CNTLN: variants seen among roughly 807,000 people sequenced by gnomAD.
CNTLN encodes the protein centlein, centrosomal protein.
CNTLN carries 212 observed loss-of-function variants against 180.0 expected under a neutral mutation model. The observed-to-expected ratio is 1.18, with a 90% CI of 1.05 to 1.32. The LOEUF is 1.32. Ranked by LOEUF, CNTLN falls within the 40% of genes most tolerant of loss-of-function variation. CNTLN has a pLI of 0.00. For missense variants in CNTLN, 2,095 were observed against 1,610.9 expected (o/e 1.30, Z -5.14); for synonymous variants, 722 against 563.1 (o/e 1.28, Z -3.99).
chr9:17,341,652 A>G (rs1821488419), intron 11 of CNTLN, among the ~76,000 whole-genome samples: 1 of 152,220 alleles, frequency 6.6e-6, no homozygotes, highest in Non-Finnish European at 1.5e-5. Flanking sequence ...CTGTAGAGAA[A>G]TACTGTTTCT....
chr9:17,512,033 G>A, the CNTLN span, among the ~76,000 whole-genome samples: 2 of 152,178 alleles, frequency 1.3e-5, no homozygotes, highest in Non-Finnish European at 2.9e-5. Flanking sequence ...AATTATGGAG[G>A]TATTTAATAC....
chr9:17,185,256 T>A (rs1821356842), intron 2 of CNTLN, among the ~76,000 whole-genome samples: 1 of 152,204 alleles, frequency 6.6e-6, no homozygotes, highest in Admixed American at 6.5e-5. Context: ...TTGCAATAGA[T>A]AATATGTCTA....
chr9:17,263,405 G>A (rs931693938), intron 5 of CNTLN, among the ~76,000 whole-genome samples: 8 of 150,948 alleles, frequency 5.3e-5, no homozygotes, highest in African/African-American at 2.0e-4. Context: ...GTATTCCATG[G>A]TGTATATGTG....
At chr9:17,369,893 A>G (rs1301190644) in intron 13 of CNTLN, among the ~76,000 whole-genome samples, 1 of 151,216 alleles carries the variant, frequency 6.6e-6, no homozygotes, top group Admixed American at 6.6e-5. Context: ...AGGCTGAGTC[A>G]GGGGAATCGC....
chr9:17,274,494 T>TATCTATCC lies in CNTLN; in HGVS notation c.983+635_983+636insCATCTATC, dbSNP rs1587450268. On this transcript the variant is annotated intron_variant, in intron 6 of 25. Coordinates refer to ENST00000380647, the MANE Select transcript of CNTLN (RefSeq NM_017738.4). ...CTATCTATCTATCTATCTATCTATC[T>TATCTATCC]ATCTATCTATGTATCTTTCTATCTA... Among the ~76,000 whole-genome samples the TATCTATCC allele has an allele frequency of 4.1e-5, 6 of 146,748 alleles. No homozygotes were observed. The East Asian group carries it at 1.2e-3, about 30-fold the overall frequency.
At chr9:17,380,991 C>CTT (rs1194641603) in intron 13 of CNTLN, among the ~76,000 whole-genome samples, 1 of 152,154 alleles carries the variant, frequency 6.6e-6, no homozygotes, top group Non-Finnish European at 1.5e-5. Flanking sequence ...ACACTGTCAC[C>CTT]TCCACCCGTG....
Position 17,457,548 on chromosome 9 carries a change from C to A in CNTLN, c.3139C>A (p.Leu1047Ile). The A allele has an allele frequency of 6.7e-7, 1 of 1,502,558 alleles. No homozygotes were observed. The highest frequency in any genetic ancestry group is 8.9e-7 in the Non-Finnish European group (1 of 1,122,954). The allele number at this position is 1,502,558 out of a possible 1,614,324, so 93.1% of individuals were successfully genotyped here. A position where few individuals can be genotyped will look rare whatever the true frequency, so the allele number is the denominator to read the frequency against. ...IKKLNLDLAGLRKEKEDLLKK... is the reference protein window; with the variant it reads ...IKKLNLDLAGIRKEKEDLLKK... ...GAAGCTAAATTTGGATTTGGCTGGGCTTCGGAAAGAAAAAGAAGATTTACT... is the reference window on the plus strand; with the variant it reads ...GAAGCTAAATTTGGATTTGGCTGGGATTCGGAAAGAAAAAGAAGATTTACT... The change falls in exon 19 of 26, where the codon CTT (leucine) becomes ATT (isoleucine). Residue 1047 changes from leucine to isoleucine, a missense_variant. Physicochemically the swap from Leu to Ile is conservative, Grantham distance 5 (BLOSUM62 2). Coordinates refer to ENST00000380647, the MANE Select transcript of CNTLN (RefSeq NM_017738.4).
At chr9:17,397,688 A>G (rs567914495) in intron 15 of CNTLN, among the ~76,000 whole-genome samples, 1 of 152,196 alleles carries the variant, frequency 6.6e-6, no homozygotes, top group South Asian at 2.1e-4. Flanking sequence ...GCCCTATTTT[A>G]CCCAGCACCT....
Position 17,487,001 on chromosome 9 carries a change from AC to A in CNTLN, c.4055del (p.Thr1352LysfsTer30). 1 of 1,577,192 alleles carries A rather than the reference AC, an allele frequency of 6.3e-7. No homozygotes were observed. The highest frequency in any genetic ancestry group is 8.6e-7 in the Non-Finnish European group (1 of 1,168,206). On this transcript the variant is annotated frameshift_variant, in exon 25 of 26. Transcript: ENST00000380647. LOFTEE classifies it high-confidence loss of function. ...DTEDQVEIEKTKIDAENDKEW... is the reference protein window; with the variant it reads ...DTEDQVEIEKXKIDAENDKEW... ...TTTTTTTCTTCAGGAAATTGAAAAA[AC>A]AAAAATTGATGCTGAAAATGACAAG...
chr9:17,328,461 A>G (rs1174988982), intron 8 of CNTLN, among the ~76,000 whole-genome samples: 3 of 152,298 alleles, frequency 2.0e-5, no homozygotes, highest in Non-Finnish European at 4.4e-5. Context: ...TTGAGCGGCA[A>G]CTGCCCTGAA....
intron 2 of CNTLN, chr9:17,167,080 T>C (rs1184827782): frequency 9.7e-6 from 2 of 205,234 alleles, no homozygotes; most frequent in Admixed American, 6.3e-5. Context: ...TTTTTGAGAA[T>C]TTTAGAAAGG....
intron 23 of CNTLN, among the ~76,000 whole-genome samples, chr9:17,476,896 C>G (rs568154370): frequency 2.6e-5 from 4 of 152,302 alleles, no homozygotes; most frequent in African/African-American, 9.6e-5. Flanking sequence ...AAACAGCCTT[C>G]TATTGGAAGA....
chr9:17,178,236 T>C (rs929066239), intron 2 of CNTLN, among the ~76,000 whole-genome samples: 13 of 152,202 alleles, frequency 8.5e-5, no homozygotes, highest in Non-Finnish European at 1.8e-4. Context: ...CTGATTGGTA[T>C]GTTTACAAAC....
chr9:17,289,989 G>A (rs1032536650), intron 6 of CNTLN, among the ~76,000 whole-genome samples: 1 of 151,966 alleles, frequency 6.6e-6, no homozygotes, highest in African/African-American at 2.4e-5. Context: ...TTGATCGTCT[G>A]AAGCCTTCTT....
chr9:17,233,726 T>TAC (rs10629555), intron 3 of CNTLN, among the ~76,000 whole-genome samples: 30,282 of 152,066 alleles, frequency 0.2, 3,671 homozygotes, highest in African/African-American at 0.34. Context: ...GAAATTGATC[T>TAC]AGTTACATTC....
intron 2 of CNTLN, among the ~76,000 whole-genome samples, chr9:17,223,079 G>T (rs528873087): frequency 5.3e-5 from 8 of 151,882 alleles, no homozygotes. Context: ...TTTCCTACAC[G>T]GTAATAGGCA....
chr9:17,486,124 A>G (rs970907506), intron 24 of CNTLN, among the ~76,000 whole-genome samples: 1 of 152,304 alleles, frequency 6.6e-6, no homozygotes, highest in East Asian at 1.9e-4. Context: ...ATTATAGACC[A>G]GAGCTTATTT....
intron 6 of CNTLN, among the ~76,000 whole-genome samples, chr9:17,277,187 A>C (rs986514281): frequency 1.5e-5 from 2 of 134,734 alleles, no homozygotes; most frequent in Non-Finnish European, 3.2e-5. Context: ...ACTCTACCTC[A>C]AATGATTTTT....
At chr9:17,221,563 T>C (rs1290281186) in intron 2 of CNTLN, among the ~76,000 whole-genome samples, 1 of 152,102 alleles carries the variant, frequency 6.6e-6, no homozygotes, top group African/African-American at 2.4e-5. Flanking sequence ...ATTTCCAGTG[T>C]GGTTTATTCC....
Sources: allele counts gnomAD v4.1 joint callset (sites outside exome capture counted in the v4.1 genomes callset), GRCh38; gene constraint gnomAD v4.1.1; transcripts MANE v1.5; gene names NCBI Gene and HGNC (gene_info 2026-07-23, HGNC 2026-07-21).